RTEL1: variants seen among roughly 807,000 people sequenced by gnomAD.
RTEL1 encodes regulator of telomere elongation helicase 1.
Under a neutral mutation model 162.2 loss-of-function variants are expected in RTEL1, and 86 were observed. The observed-to-expected ratio is 0.53, with a 90% CI of 0.45 to 0.63. The LOEUF is 0.63. Ranked by LOEUF, RTEL1 falls within the 30% of genes least tolerant of loss-of-function variation. RTEL1 has a pLI of 0.00. For synonymous variants in RTEL1, 958 were observed against 717.9 expected (o/e 1.33, Z -5.35); for missense variants, 1,941 against 1,750.2 (o/e 1.11, Z -1.95).
chr20:63,695,682 G>A, intron 34 of RTEL1, 32 bp downstream of exon 34: 1 of 1,610,374 alleles, frequency 6.2e-7, no homozygotes, highest in Non-Finnish European at 8.5e-7. Context: ...TTCCTGCTGG[G>A]TGTAGCCCCA....
In RTEL1 at chr20:63,668,454, G is replaced by A. The variant is rs2090185080; in HGVS notation, c.699+901G>A. Among the ~76,000 whole-genome samples the A allele has an allele frequency of 6.6e-6, 1 of 152,196 alleles. No homozygotes were observed. The highest frequency in any genetic ancestry group is 1.5e-5 in the Non-Finnish European group (1 of 68,038). On this transcript the variant is annotated intron_variant, in intron 8 of 34. Transcript: ENST00000360203. This position sits in a 1 kb window ranked among gnomAD's most constrained non-coding sequence, Gnocchi z 4.3. Reference sequence around the variant, plus strand: ...GTGGACAGCAAAAGAGTAAGCACGTGAGCTGATGATACTGAAGGGAAATAG... The same window carrying A: ...GTGGACAGCAAAAGAGTAAGCACGTAAGCTGATGATACTGAAGGGAAATAG...
chr20:63,688,448 A>C (rs1450038606), intron 20 of RTEL1, 62 bp downstream of exon 20: 1 of 1,602,288 alleles, frequency 6.2e-7, no homozygotes, highest in Non-Finnish European at 8.5e-7. Flanking sequence ...TGAAGCAGGC[A>C]GTGGTCACAG....
rs1329875155 is a variant in RTEL1 at position 63,685,800 on chromosome 20, C to T, written c.1276C>T (p.His426Tyr). Residue 426 changes from histidine to tyrosine, a missense_variant, in exon 16 of 35, where the codon CAT becomes TAT. Coordinates refer to ENST00000360203, the MANE Select transcript of RTEL1 (RefSeq NM_001283009.2). ...GALQSYKVHI[H>Y]PDAGHRRTAQ... ...GTCCTGTCCCCTCCAGGTGCACATC[C>T]ATCCTGATGCTGGTCACCGGAGGAC... The T allele has an allele frequency of 3.1e-6, 5 of 1,612,190 alleles. No homozygotes were observed. Among genetic ancestry groups the T allele is most frequent in the Non-Finnish European group, 4.2e-6 (5 of 1,179,808 alleles).
At chr20:63,694,299 G>GC in intron 30 of RTEL1, 73 bp from the exon 31 acceptor site, 23 of 841,680 alleles carry the variant, frequency 2.7e-5, no homozygotes, top group East Asian at 1.1e-4. Flanking sequence ...TCCCTAGCCA[G>GC]CCCTGCCCCC....
chr20:63,661,449 C>T lies in RTEL1; in HGVS notation c.254C>T (p.Ala85Val). 6.2e-7 allele frequency: 1 copy of T among 1,613,410 alleles called. No homozygotes were observed. The highest frequency in any genetic ancestry group is 8.5e-7 in the Non-Finnish European group (1 of 1,180,022). Residue 85 changes from alanine to valine, a missense_variant, in exon 3 of 35, where the codon GCC (alanine) becomes GTC (valine). By Grantham distance (64) the Ala-to-Val change is moderately conservative. Transcript: ENST00000360203. The surrounding 1 kb of genome is among the most constrained non-coding windows in gnomAD (Gnocchi z 5.1). ...CAAGGAGAGCTTTTCCCGGATCGGG[C>T]CTTGTCATCCTGGGGCAACGCTGCT... The part of the protein sequence containing the change: ...RAQGELFPDR[A>V]LSSWGNAAAA...
In RTEL1 at chr20:63,692,850, A is replaced by C. The variant is rs749041304; in HGVS notation, c.2698A>C (p.Met900Leu). The change falls in exon 29 of 35, where the codon ATG (methionine) becomes CTG (leucine). Residue 900 changes from methionine to leucine, a missense_variant. Met to Leu is a conservative substitution (Grantham distance 15). Transcript: ENST00000360203. ...ACAGACGGACAGGGCCAAGCTCTTC[A>C]TGGTGGCCGTGAAGCAGGAGTTGAG... ...GAQTDRAKLF[M>L]VAVKQELSQA... is the part of the protein sequence containing the mutation. 5 of 1,612,518 alleles carry C rather than the reference A, an allele frequency of 3.1e-6. No homozygotes were observed. Among genetic ancestry groups the C allele is most frequent in the Non-Finnish European group, 4.2e-6 (5 of 1,179,858 alleles).
At chr20:63,693,483 A>ACCACGT (rs2090843500) in intron 30 of RTEL1, among the ~76,000 whole-genome samples, 200 bp downstream of exon 30, 1 of 35,850 alleles carries the variant, frequency 2.8e-5, no homozygotes, top group Non-Finnish European at 5.4e-5. Flanking sequence ...CTCCACCTCC[A>ACCACGT]CCACCACCTC....
chr20:63,695,042 G>A (rs2090938867), intron 32 of RTEL1, 24 bp from the exon 33 acceptor site: 16 of 1,610,154 alleles, frequency 9.9e-6, no homozygotes, highest in East Asian at 2.2e-5. Flanking sequence ...GGGCTGTGCC[G>A]GGTCTGATTG....
At chr20:63,674,910 C>CTT (rs935691389) in intron 10 of RTEL1, among the ~76,000 whole-genome samples, 3 of 142,538 alleles carry the variant, frequency 2.1e-5, no homozygotes, top group Non-Finnish European at 3.1e-5. Flanking sequence ...TATTTTCTTT[C>CTT]TTTTTTTTTT....
At chr20:63,680,009 C>A in intron 13 of RTEL1, 63 bp downstream of exon 13, 1 of 1,208,866 alleles carries the variant, frequency 8.3e-7, no homozygotes, top group Non-Finnish European at 1.2e-6. Flanking sequence ...AGCAGGCCTC[C>A]ATCTTGGCAG....
At chr20:63,692,017 G>A (rs956878196) in intron 28 of RTEL1, 180 bp downstream of exon 28, 2 of 567,010 alleles carry the variant, frequency 3.5e-6, no homozygotes, top group African/African-American at 3.8e-5. Flanking sequence ...TCTTCTGCAG[G>A]GGGCTCATGA....
At chr20:63,682,263 G>C (rs1017147323) in intron 14 of RTEL1, 4 of 985,236 alleles carry the variant, frequency 4.1e-6, no homozygotes, top group Non-Finnish European at 4.8e-6. Context: ...CTCTGGAACC[G>C]AATCCTGGAA....
At chr20:63,691,605 G>A (rs564702742) in intron 27 of RTEL1, 137 bp from the exon 28 acceptor site, 1 of 696,102 alleles carries the variant, frequency 1.4e-6, no homozygotes, top group Admixed American at 2.4e-5. Context: ...TCACCGGGGT[G>A]TGCTGTGCCC....
intron 2 of RTEL1, among the ~76,000 whole-genome samples, chr20:63,659,996 G>A (rs1027699913): frequency 1.3e-5 from 2 of 152,162 alleles, no homozygotes; most frequent in African/African-American, 4.8e-5. Context: ...AAGGTACTAT[G>A]CCTGGATGTG....
chr20:63,667,135 G>A (rs1226350440), intron 7 of RTEL1, among the ~76,000 whole-genome samples: 18 of 152,148 alleles, frequency 1.2e-4, no homozygotes, highest in Admixed American at 8.5e-4. Flanking sequence ...CACCGCGCCC[G>A]GCCCAGCTCT....
At position 63,695,102 on chromosome 20, in the gene RTEL1, G is replaced by A. The variant is rs771768208; in HGVS notation, c.3380G>A (p.Arg1127His). 15 of 1,612,248 alleles carry A rather than the reference G, an allele frequency of 9.3e-6. No homozygotes were observed. The highest frequency in any genetic ancestry group is 1.3e-5 in the African/African-American group (1 of 74,902). ...TTTGTGCGTCCACACCACAAGCAGC[G>A]CTTCTCACAGACGTGCACAGACCTG... ...SMFVRPHHKQ[R>H]FSQTCTDLTG... is the part of the protein sequence containing the mutation. Residue 1127 changes from arginine to histidine, a missense_variant, in exon 33 of 35, where the codon CGC (arginine) becomes CAC (histidine). Physicochemically the swap from Arg to His is conservative, Grantham distance 29. Transcript: ENST00000360203.
At position 63,661,231 on chromosome 20, in the gene RTEL1, C is replaced by A; in HGVS notation, c.103-67C>A. 6.8e-7 allele frequency: 1 copy of A among 1,471,218 alleles called. No individual in the cohort carries two copies. Among genetic ancestry groups the A allele is most frequent in the Non-Finnish European group, 9.4e-7 (1 of 1,064,628 alleles). The allele number at this position is 1,471,218 out of a possible 1,614,324, so 91.1% of individuals were successfully genotyped here. ...GCCCGCTGGCTGCCGAAGCTTGTCT[C>A]AGGGCAGCTTGTGTGGCCTCGCCTC... is the stretch of plus-strand genomic sequence containing the variant. On this transcript the variant is annotated intron_variant, in intron 2 of 34. Coordinates refer to ENST00000360203, the MANE Select transcript of RTEL1 (RefSeq NM_001283009.2). This position sits in a 1 kb window ranked among gnomAD's most constrained non-coding sequence, Gnocchi z 5.1.
intron 7 of RTEL1, among the ~76,000 whole-genome samples, chr20:63,666,397 T>C (rs2090127959): frequency 1.3e-5 from 2 of 152,234 alleles, no homozygotes; most frequent in African/African-American, 4.8e-5. Context: ...TCACTCAGCG[T>C]TGTGGGTATA....
chr20:63,673,808 A>G (rs1292490458), intron 9 of RTEL1, 132 bp from the exon 10 acceptor site: 2 of 980,056 alleles, frequency 2.0e-6, no homozygotes, highest in Non-Finnish European at 3.0e-6. Flanking sequence ...GGCCTTTTAC[A>G]GACCCCAGGC....
Sources: gnomAD v4.1 joint callset for allele counts (sites outside exome capture counted in the v4.1 genomes callset) on GRCh38, gnomAD v4.1.1 for gene constraint, Gnocchi (gnomAD v3.1) non-coding constraint, MANE v1.5 for transcripts, NCBI Gene and HGNC (gene_info 2026-07-23, HGNC 2026-07-21) for gene names.